Variants in COL7A1 observed in about 807,000 individuals in gnomAD.
COL7A1 encodes the protein collagen type VII alpha 1 chain.
Under a neutral mutation model 456.2 loss-of-function variants are expected in COL7A1, and 296 were observed. That is an observed-to-expected ratio of 0.65 (90% CI 0.59 to 0.71). The LOEUF (loss-of-function observed/expected upper bound fraction) is 0.71. COL7A1 is among the 30% of genes least tolerant of loss of function. The probability of loss-of-function intolerance (pLI) is 0.00; values close to 1 mark genes in which losing one functional copy is unlikely to be tolerated. For synonymous variants in COL7A1, 1,464 were observed against 1,525.9 expected (o/e 0.96, Z 0.95); for missense variants, 3,441 against 4,017.2 (o/e 0.86, Z 3.88).
intron 35 of COL7A1, 47 bp downstream of exon 35, chr3:48,584,687 G>A: frequency 6.2e-7 from 1 of 1,613,796 alleles, no homozygotes; most frequent in Non-Finnish European, 8.5e-7. Context: ...GGGCAGTCCT[G>A]CTCCTCCCTG....
At position 48,574,489 on chromosome 3, in the gene COL7A1, G is replaced by A. The variant is rs754548056; in HGVS notation, c.6455C>T (p.Pro2152Leu). Residue 2152 changes from proline to leucine, a missense_variant and splice_region_variant, in exon 79 of 119, where the codon CCG becomes CTG. Physicochemically the swap from Pro to Leu is moderately conservative, Grantham distance 98. Coordinates refer to ENST00000681320, the MANE Select transcript of COL7A1 (RefSeq NM_000094.4). This position sits in a 1 kb window ranked among gnomAD's most constrained non-coding sequence, Gnocchi z 5.0. Reference sequence around the variant, plus strand: ...TGTGGCTGTTGGGCAAGGACTTACCGGGTTGCCGTCCTGACCCCTCGGTCC... The same window carrying A: ...TGTGGCTGTTGGGCAAGGACTTACCAGGTTGCCGTCCTGACCCCTCGGTCC... ...EPGPRGQDGNPGLPGERGMAG... is the reference protein window; with the variant it reads ...EPGPRGQDGNLGLPGERGMAG... The A allele has an allele frequency of 2.6e-5, 42 of 1,613,954 alleles. No individual in the cohort carries two copies. The highest frequency in any genetic ancestry group is 4.5e-5 in the East Asian group (2 of 44,892).
chr3:48,582,255 G>C, intron 47 of COL7A1, 68 bp downstream of exon 47: 6 of 1,611,458 alleles, frequency 3.7e-6, no homozygotes, highest in Non-Finnish European at 5.1e-6. Flanking sequence ...AGCCCAGATA[G>C]TGTTCTATAG....
In COL7A1 at chr3:48,591,137, C is replaced by T. The variant is rs2045667204; in HGVS notation, c.1637-321G>A. ...TGATGTGGGATGGCAGAGGTCAGTGCTGGATGGGGACATGCAATGAGAGGT... is the reference window on the plus strand; with the variant it reads ...TGATGTGGGATGGCAGAGGTCAGTGTTGGATGGGGACATGCAATGAGAGGT... On this transcript the variant is annotated intron_variant, in intron 13 of 118. Coordinates refer to ENST00000681320, the MANE Select transcript of COL7A1 (RefSeq NM_000094.4). The surrounding 1 kb of genome is among the most constrained non-coding windows in gnomAD (Gnocchi z 7.0). Among the ~76,000 whole-genome samples the T allele has an allele frequency of 6.6e-6, 1 of 152,068 alleles. No individual in the cohort carries two copies. The highest frequency in any genetic ancestry group is 2.4e-5 in the African/African-American group (1 of 41,372).
chr3:48,567,455 A>C lies in COL7A1; in HGVS notation c.8046+119T>G. The stretch of plus-strand genomic sequence containing the variant: ...GACACCTCGAGACCAGCCCCACTTC[A>C]GCCCCCAAAGTCCCAACCCTCTACA... On this transcript the variant is annotated intron_variant, in intron 109 of 118. Transcript: ENST00000681320. The surrounding 1 kb of genome is among the most constrained non-coding windows in gnomAD (Gnocchi z 4.3). The C allele has an allele frequency of 2.8e-6, 4 of 1,409,842 alleles. No individual in the cohort carries two copies. The highest frequency in any genetic ancestry group is 4.0e-6 in the Non-Finnish European group (4 of 1,002,346). The allele number at this position is 1,409,842 out of a possible 1,614,324, so 87.3% of individuals were successfully genotyped here.
Position 48,565,447 on chromosome 3 carries a change from A to G in COL7A1, c.8490T>C (p.Ala2830=). The G allele has an allele frequency of 1.2e-6, 2 of 1,613,156 alleles. No individual in the cohort carries two copies. The highest frequency in any genetic ancestry group is 1.7e-6 in the Non-Finnish European group (2 of 1,179,608). ...CATGAGAGACGCGGAGCACAGGCAC[A>G]GCATGGAGCTGGGAGCCGGCAGTGT... The part of the protein sequence containing the change: ...AADTAGSQLH[A]VPVLRVSHAE... Residue 2830 remains alanine, a synonymous_variant, in exon 116 of 119, where the codon GCT becomes GCC. Transcript: ENST00000681320. This position sits in a 1 kb window ranked among gnomAD's most constrained non-coding sequence, Gnocchi z 4.5.
chr3:48,585,919 C>A lies in COL7A1; in HGVS notation c.3759+21G>T. 6.2e-7 allele frequency: 1 copy of A among 1,614,156 alleles called. No individual in the cohort carries two copies. The highest frequency in any genetic ancestry group is 8.5e-7 in the Non-Finnish European group (1 of 1,180,044). On this transcript the variant is annotated intron_variant, in intron 29 of 118. Coordinates refer to ENST00000681320, the MANE Select transcript of COL7A1 (RefSeq NM_000094.4). This position sits in a 1 kb window ranked among gnomAD's most constrained non-coding sequence, Gnocchi z 4.5. ...AGCCCCAGGTGCAGCCTCTGTTCAC[C>A]TCTCGATGAGGGACTCTTACCTTTG...
Position 48,564,632 on chromosome 3 carries a change from T to C in COL7A1, c.8818+151A>G. 1 of 1,065,196 alleles carries C rather than the reference T, an allele frequency of 9.4e-7. No homozygotes were observed. The highest frequency in any genetic ancestry group is 1.5e-5 in the South Asian group (1 of 65,564). The allele number at this position is 1,065,196 out of a possible 1,614,324, so 66.0% of individuals were successfully genotyped here. ...CGGCTGGGGCTCTATATTCAGCTCTTTGGTCTGGGCGTCTGCCCCAGGTCC... is the reference window on the plus strand; with the variant it reads ...CGGCTGGGGCTCTATATTCAGCTCTCTGGTCTGGGCGTCTGCCCCAGGTCC... On this transcript the variant is annotated intron_variant, in intron 118 of 118. Transcript: ENST00000681320. The surrounding 1 kb of genome is among the most constrained non-coding windows in gnomAD (Gnocchi z 6.0).
At position 48,573,180 on chromosome 3, in the gene COL7A1, G is replaced by T; in HGVS notation, c.6708C>A (p.Gly2236=). The T allele has an allele frequency of 6.2e-7, 1 of 1,614,080 alleles. No individual in the cohort carries two copies. Among genetic ancestry groups the T allele is most frequent in the Non-Finnish European group, 8.5e-7 (1 of 1,179,982 alleles). ...VGLPGPPGPS[G]LVGPQGSPGL... ...GCCACAGGGACTCACTCACCACAAG[G>T]CCTGAAGGGCCGGGGGGTCCAGGAA... is the stretch of plus-strand genomic sequence containing the variant. The change falls in exon 85 of 119, where the codon GGC becomes GGA. Residue 2236 remains glycine, a synonymous_variant. Transcript: ENST00000681320. This position sits in a 1 kb window ranked among gnomAD's most constrained non-coding sequence, Gnocchi z 5.5.
In COL7A1 at chr3:48,568,063, A is replaced by C. The variant is rs2043686712; in HGVS notation, c.7875+27T>G. 6.2e-7 allele frequency: 1 copy of C among 1,614,122 alleles called. No individual in the cohort carries two copies. The highest frequency in any genetic ancestry group is 8.5e-7 in the Non-Finnish European group (1 of 1,179,970). On this transcript the variant is annotated intron_variant, in intron 106 of 118. Coordinates refer to ENST00000681320, the MANE Select transcript of COL7A1 (RefSeq NM_000094.4). The surrounding 1 kb of genome is among the most constrained non-coding windows in gnomAD (Gnocchi z 5.2). ...TCAACATTAGGCCTTCCTGACCAGA[A>C]AAAAACCAATCTTGTTTCTTTCCTA...
chr3:48,583,660 C>T lies in COL7A1; in HGVS notation c.4342-45G>A, dbSNP rs773272175. ...GTGGGAAGACCGAAGGGAGGCCCTG[C>T]CCCCAGCACGCAGCCTCCCACCCCA... On this transcript the variant is annotated intron_variant, in intron 40 of 118. Transcript: ENST00000681320. This position sits in a 1 kb window ranked among gnomAD's most constrained non-coding sequence, Gnocchi z 5.1. 5.0e-6 allele frequency: 8 copies of T among 1,612,878 alleles called. No individual in the cohort carries two copies. Among genetic ancestry groups the T allele is most frequent in the Non-Finnish European group, 8.5e-7 (1 of 1,178,974 alleles).
At position 48,572,190 on chromosome 3, in the gene COL7A1, A is replaced by G. The variant is rs2107655286; in HGVS notation, c.6979-19T>C. ...TGGCTCCCTGTTGACAGAGGTCAGGAGGCAACACAGGCATCAGTCACAGAA... is the reference window on the plus strand; with the variant it reads ...TGGCTCCCTGTTGACAGAGGTCAGGGGGCAACACAGGCATCAGTCACAGAA... On this transcript the variant is annotated intron_variant, in intron 90 of 118. Transcript: ENST00000681320. The surrounding 1 kb of genome is among the most constrained non-coding windows in gnomAD (Gnocchi z 4.6). The G allele has an allele frequency of 6.2e-7, 1 of 1,613,990 alleles. No homozygotes were observed. Among genetic ancestry groups the G allele is most frequent in the East Asian group, 2.2e-5 (1 of 44,856 alleles).
Position 48,586,000 on chromosome 3 carries a change from G to T in COL7A1, c.3724-25C>A. 6.2e-7 allele frequency: 1 copy of T among 1,613,758 alleles called. No individual in the cohort carries two copies. Among genetic ancestry groups the T allele is most frequent in the Non-Finnish European group, 8.5e-7 (1 of 1,180,016 alleles). On this transcript the variant is annotated intron_variant, in intron 28 of 118. Transcript: ENST00000681320. This position sits in a 1 kb window ranked among gnomAD's most constrained non-coding sequence, Gnocchi z 4.5. ...GCTGCGGACATAGGGTCTCTTTGAG[G>T]TTGAACATTTCTACCAAGAACCCCC...
In COL7A1 at chr3:48,566,333, C is replaced by T; in HGVS notation, c.8359-18G>A. On this transcript the variant is annotated intron_variant, in intron 113 of 118. Transcript: ENST00000681320. The surrounding 1 kb of genome is among the most constrained non-coding windows in gnomAD (Gnocchi z 5.9). Reference sequence around the variant, plus strand: ...TCATCCTCCTGGGAGCAGAAGACCACAGGGACCATAAAGAACCCATGGCCC... The same window carrying T: ...TCATCCTCCTGGGAGCAGAAGACCATAGGGACCATAAAGAACCCATGGCCC... 1 of 1,605,330 alleles carries T rather than the reference C, an allele frequency of 6.2e-7. No individual in the cohort carries two copies. Among genetic ancestry groups the T allele is most frequent in the Non-Finnish European group, 8.5e-7 (1 of 1,176,252 alleles).
At position 48,590,064 on chromosome 3, in the gene COL7A1, G is replaced by A; in HGVS notation, c.2050+149C>T. Reference sequence around the variant, plus strand: ...TTAAGGGGAGACAGCTGAAACTGAAGAGGAAGCAGCGTCTCTGAGGGAGGA... The same window carrying A: ...TTAAGGGGAGACAGCTGAAACTGAAAAGGAAGCAGCGTCTCTGAGGGAGGA... On this transcript the variant is annotated intron_variant, in intron 16 of 118. Transcript: ENST00000681320. This position sits in a 1 kb window ranked among gnomAD's most constrained non-coding sequence, Gnocchi z 4.6. 1.2e-6 allele frequency: 1 copy of A among 864,274 alleles called. No homozygotes were observed. The highest frequency in any genetic ancestry group is 1.8e-6 in the Non-Finnish European group (1 of 564,954). 53.5% of individuals were successfully genotyped at this position (864,274 alleles called of 1,614,324 possible). A position where few individuals can be genotyped will look rare whatever the true frequency, so the allele number is the denominator to read the frequency against.
Position 48,564,376 on chromosome 3 carries a change from G to T in COL7A1, c.*30C>A, listed in dbSNP as rs1412395390. 2 of 1,613,840 alleles carry T rather than the reference G, an allele frequency of 1.2e-6. No individual in the cohort carries two copies. Among genetic ancestry groups the T allele is most frequent in the Admixed American group, 3.3e-5 (2 of 60,016 alleles). ...TGCTGAGACCCCGACTCCTCCAGGG[G>T]ATGCTGAATCTCAGCTCATTATCTG... On this transcript the variant is annotated 3_prime_UTR_variant, in exon 119 of 119. Transcript: ENST00000681320. This position sits in a 1 kb window ranked among gnomAD's most constrained non-coding sequence, Gnocchi z 6.0.
In COL7A1 at chr3:48,567,247, C is replaced by A. The variant is rs918559357; in HGVS notation, c.8047-57G>T. 1 of 1,598,174 alleles carries A rather than the reference C, an allele frequency of 6.3e-7. No homozygotes were observed. Reference sequence around the variant, plus strand: ...GCCCTGACCTCCCTCAGCTCTGGAACCTCCCTGAACTCCCATGAGCTCCCT... The same window carrying A: ...GCCCTGACCTCCCTCAGCTCTGGAAACTCCCTGAACTCCCATGAGCTCCCT... On this transcript the variant is annotated intron_variant, in intron 109 of 118. Coordinates refer to ENST00000681320, the MANE Select transcript of COL7A1 (RefSeq NM_000094.4). This position sits in a 1 kb window ranked among gnomAD's most constrained non-coding sequence, Gnocchi z 4.3.
rs1381984128 is a variant in COL7A1 at position 48,573,186 on chromosome 3, A to G, written c.6702T>C (p.Pro2234=). The G allele has an allele frequency of 1.9e-6, 3 of 1,614,114 alleles. No individual in the cohort carries two copies. In the Admixed American group the frequency reaches 5.0e-5, roughly 27 times the overall value. The part of the protein sequence containing the change: ...GAVGLPGPPG[P]SGLVGPQGSP... ...GGGACTCACTCACCACAAGGCCTGAAGGGCCGGGGGGTCCAGGAAGTCCCA... is the reference window on the plus strand; with the variant it reads ...GGGACTCACTCACCACAAGGCCTGAGGGGCCGGGGGGTCCAGGAAGTCCCA... Residue 2234 remains proline, a synonymous_variant, in exon 85 of 119, where the codon CCT becomes CCC. Coordinates refer to ENST00000681320, the MANE Select transcript of COL7A1 (RefSeq NM_000094.4). The surrounding 1 kb of genome is among the most constrained non-coding windows in gnomAD (Gnocchi z 5.5).
rs969796122 is a variant in COL7A1, at chr3:48,564,192, C to A, written c.*214G>T. ...CTCACTGCCCACAGCCACCCCCCCACAGTGAGTCATCTGCCAGGGTGGCAG... is the reference window on the plus strand; with the variant it reads ...CTCACTGCCCACAGCCACCCCCCCAAAGTGAGTCATCTGCCAGGGTGGCAG... On this transcript the variant is annotated 3_prime_UTR_variant, in exon 119 of 119. Coordinates refer to ENST00000681320, the MANE Select transcript of COL7A1 (RefSeq NM_000094.4). This position sits in a 1 kb window ranked among gnomAD's most constrained non-coding sequence, Gnocchi z 6.0. The A allele has an allele frequency of 6.2e-6, 4 of 648,276 alleles. No individual in the cohort carries two copies. Among genetic ancestry groups the A allele is most frequent in the Non-Finnish European group, 1.1e-5 (4 of 357,900 alleles). 40.2% of individuals were successfully genotyped at this position (648,276 alleles called of 1,614,324 possible).
rs576204059 is a variant in COL7A1, at chr3:48,584,036, C to T, written c.4223G>A (p.Arg1408Gln). Residue 1408 changes from arginine to glutamine, a missense_variant and splice_region_variant, in exon 38 of 119, where the codon CGG becomes CAG. Physicochemically the swap from Arg to Gln is conservative, Grantham distance 43. Around this residue, in one of 3 missense-constraint regions of COL7A1, gnomAD observed 2,084 missense variants for 2,501.3 expected, o/e 0.83. Transcript: ENST00000681320. Reference protein sequence around the residue: ...MKGDKGDRGERGPPGPGEGGI... With the variant: ...MKGDKGDRGEQGPPGPGEGGI... ...TAGCACAACCTGTCCCTCACTTACC[C>T]GCTCCCCACGATCGCCTTTGTCACC... 7.4e-6 allele frequency: 12 copies of T among 1,614,120 alleles called. No individual in the cohort carries two copies. Among genetic ancestry groups the T allele is most frequent in the East Asian group, 4.5e-5 (2 of 44,866 alleles).
Sources: allele counts gnomAD v4.1 joint callset (sites outside exome capture counted in the v4.1 genomes callset), GRCh38; gene constraint gnomAD v4.1.1; regional missense constraint gnomAD v4.1.1; non-coding constraint Gnocchi (gnomAD v3.1); transcripts MANE v1.5; gene names NCBI Gene and HGNC (gene_info 2026-07-23, HGNC 2026-07-21).